KIF26B: variants seen among roughly 807,000 people sequenced by gnomAD.
KIF26B encodes kinesin family member 26B.
In KIF26B, 63 loss-of-function variants were observed where a neutral mutation model predicts 151.2. The ratio of observed to expected loss-of-function variants is 0.42; its 90% CI spans 0.34 to 0.51. KIF26B has a LOEUF of 0.51. Ranked by LOEUF, KIF26B falls within the 20% of genes least tolerant of loss-of-function variation. The pLI is 0.07. For synonymous variants in KIF26B, 1,357 were observed against 1,262.1 expected (o/e 1.08, Z -1.59); for missense variants, 2,813 against 2,913.6 (o/e 0.97, Z 0.79).
At chr1:245,439,346 C>CAAAAAAAAAAAAAA (rs777808376) in intron 4 of KIF26B, among the ~76,000 whole-genome samples, 9 of 131,720 alleles carry the variant, frequency 6.8e-5, no homozygotes, top group Non-Finnish European at 9.4e-5. Flanking sequence ...GACCCTGTCT[C>CAAAAAAAAAAAAAA]AAAAAAAAAA....
intron 2 of KIF26B, among the ~76,000 whole-genome samples, chr1:245,230,743 A>G (rs1007393902): frequency 1.4e-5 from 2 of 139,830 alleles, no homozygotes; most frequent in Non-Finnish European, 3.1e-5. Flanking sequence ...AACTTCATGT[A>G]AAAAAAAAAA....
At chr1:245,184,819 T>C (rs912002417) in intron 2 of KIF26B, among the ~76,000 whole-genome samples, 19 of 152,224 alleles carry the variant, frequency 1.2e-4, no homozygotes, top group Non-Finnish European at 1.2e-4. Flanking sequence ...GAATTGTTTT[T>C]GGCGAGTGTG....
Position 245,540,075 on chromosome 1 carries a change from GC to G in KIF26B, c.1167-687del, listed in dbSNP as rs1360025018. ...ACCTTTCCCTGCCTTCACACTCTGT[GC>G]CCCCTTCAGTGCTTTGACCCCTTAC... On this transcript the variant is annotated intron_variant, in intron 4 of 14. Coordinates refer to ENST00000407071, the MANE Select transcript of KIF26B (RefSeq NM_018012.4). The surrounding 1 kb of genome is among the most constrained non-coding windows in gnomAD (Gnocchi z 4.6). Among the ~76,000 whole-genome samples, 1 of 152,104 alleles carries G rather than the reference GC, an allele frequency of 6.6e-6. No individual in the cohort carries two copies. The highest frequency in any genetic ancestry group is 1.5e-5 in the Non-Finnish European group (1 of 68,016).
In KIF26B at chr1:245,702,954, G is replaced by A. The variant is rs180727432; in HGVS notation, c.*348G>A. On this transcript the variant is annotated 3_prime_UTR_variant, in exon 15 of 15. Coordinates refer to ENST00000407071, the MANE Select transcript of KIF26B (RefSeq NM_018012.4). This position sits in a 1 kb window ranked among gnomAD's most constrained non-coding sequence, Gnocchi z 4.1. ...CTTGCTTTCGTGAGAAAGGAGGGGC[G>A]TGGATGTAGGATTGCTGTGGAAAGC... 6 of 233,022 alleles carry A rather than the reference G, an allele frequency of 2.6e-5. No individual in the cohort carries two copies. The East Asian group carries it at 2.7e-4, about 10-fold the overall frequency. The allele number at this position is 233,022 out of a possible 1,614,324, so 14.4% of individuals were successfully genotyped here. A position where few individuals can be genotyped will look rare whatever the true frequency, so the allele number is the denominator to read the frequency against.
rs1024571965 is a variant in KIF26B, at chr1:245,667,991, G to C, written c.2259-16242G>C. On this transcript the variant is annotated intron_variant, in intron 10 of 14. Coordinates refer to ENST00000407071, the MANE Select transcript of KIF26B (RefSeq NM_018012.4). The surrounding 1 kb of genome is among the most constrained non-coding windows in gnomAD (Gnocchi z 4.3). The stretch of plus-strand genomic sequence containing the variant: ...GCTCACTGCAACTTCCACCTCCCAG[G>C]TTCAAGCGATTCTCCTGCCTCAGCC... Among the ~76,000 whole-genome samples, 10 of 152,096 alleles carry C rather than the reference G, an allele frequency of 6.6e-5. No individual in the cohort carries two copies. The highest frequency in any genetic ancestry group is 2.4e-4 in the African/African-American group (10 of 41,408).
chr1:245,291,771 G>T (rs1049883110), intron 2 of KIF26B, among the ~76,000 whole-genome samples: 12 of 152,232 alleles, frequency 7.9e-5, no homozygotes, highest in African/African-American at 2.9e-4. Context: ...GAGGTGGGTA[G>T]GAAGGGGTGT....
At chr1:245,357,058 A>G (rs778957856) in intron 2 of KIF26B, among the ~76,000 whole-genome samples, 1 of 152,174 alleles carries the variant, frequency 6.6e-6, no homozygotes, top group Non-Finnish European at 1.5e-5. Flanking sequence ...GAAGGCTTTC[A>G]TGGCTGGTTC....
rs1433760248 is a variant in KIF26B at position 245,706,393 on chromosome 1, C to G, written c.*3787C>G. ...AGGCTGACAAATCTGCAGATTTGTT[C>G]AATGCAAACACAGCCGTCTATATCA... On this transcript the variant is annotated 3_prime_UTR_variant, in exon 15 of 15. Coordinates refer to ENST00000407071, the MANE Select transcript of KIF26B (RefSeq NM_018012.4). 1.3e-5 allele frequency: 2 copies of G among 152,108 alleles called. No homozygotes were observed. The highest frequency in any genetic ancestry group is 2.9e-5 in the Non-Finnish European group (2 of 68,024). The allele number at this position is 152,108 out of a possible 1,614,324, so 9.4% of individuals were successfully genotyped here.
intron 4 of KIF26B, among the ~76,000 whole-genome samples, chr1:245,451,371 A>G (rs1012232019): frequency 8.6e-5 from 13 of 151,888 alleles, no homozygotes; most frequent in African/African-American, 2.9e-4. Flanking sequence ...AAATTTTTAA[A>G]TTTCTGAGGG....
chr1:245,652,884 G>A (rs538142126), intron 10 of KIF26B, among the ~76,000 whole-genome samples: 4 of 152,304 alleles, frequency 2.6e-5, no homozygotes, highest in Admixed American at 6.5e-5. Context: ...CCGTTGTGGC[G>A]TAATGGCACA....
Position 245,375,860 on chromosome 1 carries a change from A to T in KIF26B, c.999+8493A>T, listed in dbSNP as rs1215692146. Among the ~76,000 whole-genome samples, 1 of 152,104 alleles carries T rather than the reference A, an allele frequency of 6.6e-6. No individual in the cohort carries two copies. The highest frequency in any genetic ancestry group is 1.5e-5 in the Non-Finnish European group (1 of 68,016). ...CACAACAAACCCCGTTACCCTGCGG[A>T]TCGGCCGGTCCATGCACAAGTCAGA... On this transcript the variant is annotated intron_variant, in intron 3 of 14. Coordinates refer to ENST00000407071, the MANE Select transcript of KIF26B (RefSeq NM_018012.4). The surrounding 1 kb of genome is among the most constrained non-coding windows in gnomAD (Gnocchi z 4.2).
rs1037730024 is a variant in KIF26B, at chr1:245,167,486, C to T, written c.465+10803C>T. Among the ~76,000 whole-genome samples, 3 of 152,166 alleles carry T rather than the reference C, an allele frequency of 2.0e-5. No individual in the cohort carries two copies. Among genetic ancestry groups the T allele is most frequent in the African/African-American group, 7.2e-5 (3 of 41,434 alleles). On this transcript the variant is annotated intron_variant, in intron 2 of 14. Transcript: ENST00000407071. This position sits in a 1 kb window ranked among gnomAD's most constrained non-coding sequence, Gnocchi z 4.2. ...TTCTTTGGGGTTATAATCACTACTT[C>T]CCAACCCTTCCTCCACCTAACTGGT... is the stretch of plus-strand genomic sequence containing the variant.
chr1:245,157,797 A>G (rs1236247396), intron 2 of KIF26B, among the ~76,000 whole-genome samples: 1 of 152,246 alleles, frequency 6.6e-6, no homozygotes, highest in Non-Finnish European at 1.5e-5. Flanking sequence ...ATACATCTCA[A>G]GGAATCAAAA....
chr1:245,445,408 C>G (rs759702774), intron 4 of KIF26B, among the ~76,000 whole-genome samples: 1 of 152,180 alleles, frequency 6.6e-6, no homozygotes, highest in Non-Finnish European at 1.5e-5. Flanking sequence ...GACTAAAATA[C>G]TGGCAGATGA....
At chr1:245,256,414 A>G (rs2103567785) in intron 2 of KIF26B, among the ~76,000 whole-genome samples, 1 of 152,338 alleles carries the variant, frequency 6.6e-6, no homozygotes, top group Middle Eastern at 3.4e-3. Flanking sequence ...CCCTGAGTCC[A>G]ACAGCCCCAT....
At chr1:245,390,989 A>C (rs1185173516) in intron 3 of KIF26B, among the ~76,000 whole-genome samples, 1 of 148,632 alleles carries the variant, frequency 6.7e-6, no homozygotes, top group Non-Finnish European at 1.5e-5. Context: ...TAAAAGATAA[A>C]ATTTTGAAAA....
intron 4 of KIF26B, among the ~76,000 whole-genome samples, chr1:245,478,286 T>C (rs1456201184): frequency 1.3e-5 from 2 of 151,848 alleles, no homozygotes; most frequent in African/African-American, 2.4e-5. Flanking sequence ...TGAGTGATGC[T>C]GTGATGAACG....
Position 245,381,453 on chromosome 1 carries a change from G to T in KIF26B, c.999+14086G>T, listed in dbSNP as rs187817120. 2.0e-5 allele frequency among the ~76,000 whole-genome samples: 3 copies of T among 152,148 alleles called. 1 individual carries two copies. Among genetic ancestry groups the T allele is most frequent in the South Asian group, 4.1e-4 (2 of 4,826 alleles). On this transcript the variant is annotated intron_variant, in intron 3 of 14. Coordinates refer to ENST00000407071, the MANE Select transcript of KIF26B (RefSeq NM_018012.4). ...TTTGAACGCAGCCCAACACGAGTTCGTAAATTTTCTTAAAACATTGCGAGA... is the reference window on the plus strand; with the variant it reads ...TTTGAACGCAGCCCAACACGAGTTCTTAAATTTTCTTAAAACATTGCGAGA...
chr1:245,558,523 T>C (rs1438431695), intron 5 of KIF26B, among the ~76,000 whole-genome samples: 1 of 152,244 alleles, frequency 6.6e-6, no homozygotes, highest in Non-Finnish European at 1.5e-5. Context: ...CTCCTGCCCC[T>C]GAGGCCTCTT....
Sources: allele counts gnomAD v4.1 joint callset (sites outside exome capture counted in the v4.1 genomes callset), GRCh38; gene constraint gnomAD v4.1.1; non-coding constraint Gnocchi (gnomAD v3.1); transcripts MANE v1.5; gene names NCBI Gene and HGNC (gene_info 2026-07-23, HGNC 2026-07-21).